TTC23: variants seen among roughly 807,000 people sequenced by gnomAD.
TTC23 encodes the protein tetratricopeptide repeat domain 23.
TTC23 carries 58 observed loss-of-function variants against 55.1 expected under a neutral mutation model. The ratio of observed to expected loss-of-function variants is 1.05; its 90% CI spans 0.85 to 1.31. The LOEUF is 1.31. Ranked by LOEUF, TTC23 falls within the 50% of genes most tolerant of loss-of-function variation. The pLI, the probability that TTC23 is intolerant of heterozygous loss-of-function variation, is 0.00. For missense variants in TTC23, 516 were observed against 534.4 expected, an observed-to-expected ratio of 0.97 and a Z score of 0.34; for synonymous variants, 203 against 199.9, an observed-to-expected ratio of 1.02 and a Z score of -0.13.
At chr15:99,154,360 A>G (rs1555498289) in intron 12 of TTC23, among the ~76,000 whole-genome samples, 1 of 152,244 alleles carries the variant, frequency 6.6e-6, no homozygotes, top group Non-Finnish European at 1.5e-5. Flanking sequence ...CATGTGTTGG[A>G]AACTTAATCC....
At chr15:99,249,680 G>A (rs2080558648), upstream of TTC23, 2 of 152,206 alleles carry the variant, frequency 1.3e-5, no homozygotes, top group South Asian at 4.1e-4. Context: ...TTGGGAGCCA[G>A]AGGTGGGAAT....
In TTC23 at chr15:99,161,781, CT is replaced by C. The variant is rs765650090; in HGVS notation, c.951del (p.Asp318MetfsTer9). 1.9e-6 allele frequency: 3 copies of C among 1,613,444 alleles called. No individual in the cohort carries two copies. The highest frequency in any genetic ancestry group is 2.5e-6 in the Non-Finnish European group (3 of 1,179,902). On this transcript the variant is annotated frameshift_variant, in exon 11 of 14. Coordinates refer to ENST00000394132, the MANE Select transcript of TTC23 (RefSeq NM_001288615.3). LOFTEE classifies it high-confidence loss of function. ...ATTTGTAGAAAATGGCAAAATTCAT[CT>C]TGAATTGAAAGAAATTTGGTTCTTC... ...GMGRTKFLSI[Q>X]DEFCHFLQMT...
At chr15:99,179,940 G>A (rs1280964075) in intron 9 of TTC23, among the ~76,000 whole-genome samples, 1 of 152,226 alleles carries the variant, frequency 6.6e-6, no homozygotes, top group Non-Finnish European at 1.5e-5. Context: ...CTCAACCATT[G>A]TTCACAATTT....
At chr15:99,152,544 G>A (rs1418466130) in intron 12 of TTC23, among the ~76,000 whole-genome samples, 1 of 151,918 alleles carries the variant, frequency 6.6e-6, no homozygotes, top group Non-Finnish European at 1.5e-5. Flanking sequence ...GCTAATTTTT[G>A]TATTTTTAGT....
At chr15:99,236,983 T>C (rs1038437844) in intron 3 of TTC23, among the ~76,000 whole-genome samples, 6 of 45,728 alleles carry the variant, frequency 1.3e-4, no homozygotes, top group Non-Finnish European at 3.3e-4. Flanking sequence ...CACTCCTAAG[T>C]TTTTTTTTTT....
rs56890685 is a variant in TTC23, at chr15:99,204,632, G to GTTTTTTTTTTTTTTT, written c.582-4551_582-4537dup. On this transcript the variant is annotated intron_variant, in intron 8 of 13. Coordinates refer to ENST00000394132, the MANE Select transcript of TTC23 (RefSeq NM_001288615.3). ...TCAGAGTTTCAGTCTTAGATTTAAG[G>GTTTTTTTTTTTTTTT]TTTTTTTTTTTTTTTTTTTTTTTAG... 3.2e-3 allele frequency among the ~76,000 whole-genome samples: 197 copies of GTTTTTTTTTTTTTTT among 60,876 alleles called. 36 individuals carry two copies. Among genetic ancestry groups the GTTTTTTTTTTTTTTT allele is most frequent in the Non-Finnish European group, 3.9e-3 (138 of 35,212 alleles). The allele number at this position is 60,876 out of a possible 152,430, so 39.9% of individuals were successfully genotyped here. A position where few individuals can be genotyped will look rare whatever the true frequency, so the allele number is the denominator to read the frequency against.
chr15:99,148,149 T>A (rs935831266), intron 12 of TTC23, among the ~76,000 whole-genome samples: 3 of 151,504 alleles, frequency 2.0e-5, no homozygotes, highest in Non-Finnish European at 4.4e-5. Context: ...GATCATGAGG[T>A]CAGGAGTTTG....
intron 5 of TTC23, among the ~76,000 whole-genome samples, chr15:99,226,442 C>G (rs138404691): frequency 1.3e-5 from 2 of 152,262 alleles, no homozygotes; most frequent in East Asian, 1.9e-4. Context: ...ATGAGTGAAT[C>G]TTGTGCCTTT....
Position 99,219,056 on chromosome 15 carries a change from CA to C in TTC23, c.305-9del, listed in dbSNP as rs1469127261. On this transcript the variant is annotated splice_polypyrimidine_tract_variant and intron_variant, in intron 6 of 13. Coordinates refer to ENST00000394132, the MANE Select transcript of TTC23 (RefSeq NM_001288615.3). ...TTGCTTGCAGTGACAGTCCTGTGGA[CA>C]AAGAAAAAGAGGTCTCAGTTTCTCT... 16 of 1,610,936 alleles carry C rather than the reference CA, an allele frequency of 9.9e-6. No homozygotes were observed. Among genetic ancestry groups the C allele is most frequent in the Non-Finnish European group, 1.3e-5 (15 of 1,179,004 alleles).
At chr15:99,203,039 T>C (rs2076323974) in intron 8 of TTC23, among the ~76,000 whole-genome samples, 1 of 152,216 alleles carries the variant, frequency 6.6e-6, no homozygotes, top group Non-Finnish European at 1.5e-5. Flanking sequence ...TTTGTTCCCA[T>C]GTTGAAATGG....
intron 12 of TTC23, chr15:99,155,711 T>C (rs1555498798): frequency 1.1e-5 from 2 of 177,534 alleles, no homozygotes; most frequent in Non-Finnish European, 2.3e-5. Context: ...GGCTCTCTAA[T>C]TAAATGGTGC....
chr15:99,177,466 A>G (rs1162183226), intron 9 of TTC23, among the ~76,000 whole-genome samples: 1 of 152,242 alleles, frequency 6.6e-6, no homozygotes, highest in African/African-American at 2.4e-5. Context: ...AGACAATAGC[A>G]GCCACAGGGA....
At chr15:99,145,526 AAAAC>A (rs1337927663) in intron 12 of TTC23, among the ~76,000 whole-genome samples, 18 of 151,670 alleles carry the variant, frequency 1.2e-4, no homozygotes, top group Non-Finnish European at 2.2e-4. Context: ...CGGCAGGTGA[AAAAC>A]AAACAGGGCA....
chr15:99,141,002 C>T (rs1346098324), intron 12 of TTC23: 1 of 152,120 alleles, frequency 6.6e-6, no homozygotes, highest in Non-Finnish European at 1.5e-5. Flanking sequence ...TGCTTAATCT[C>T]ATTAACAACC....
intron 12 of TTC23, chr15:99,144,695 C>T (rs1278281388): frequency 6.6e-6 from 1 of 152,200 alleles, no homozygotes; most frequent in Non-Finnish European, 1.5e-5. Context: ...GCATACTATT[C>T]ATTTCTGGTA....
In TTC23 at chr15:99,225,544, G is replaced by A. The variant is rs61517627; in HGVS notation, c.180+2989C>T. Among the ~76,000 whole-genome samples the A allele has an allele frequency of 9.5e-3, 1,446 of 152,238 alleles. 25 individuals carry two copies. The highest frequency in any genetic ancestry group is 0.033 in the African/African-American group (1,377 of 41,528). On this transcript the variant is annotated intron_variant, in intron 5 of 13. Transcript: ENST00000394132. Reference sequence around the variant, plus strand: ...CTCACTGGCAGATACGGAACAATCCGAGCTTCCATGAAAATAACAGGTTGT... The same window carrying A: ...CTCACTGGCAGATACGGAACAATCCAAGCTTCCATGAAAATAACAGGTTGT...
At chr15:99,181,241 C>G (rs1398659708) in intron 9 of TTC23, among the ~76,000 whole-genome samples, 1 of 152,130 alleles carries the variant, frequency 6.6e-6, no homozygotes, top group Non-Finnish European at 1.5e-5. Flanking sequence ...ATTTTCTAAT[C>G]AATGTAATGA....
In TTC23 at chr15:99,180,776, T is replaced by C. The variant is rs557214522; in HGVS notation, c.760-5621A>G. Among the ~76,000 whole-genome samples, 9 of 152,312 alleles carry C rather than the reference T, an allele frequency of 5.9e-5. No individual in the cohort carries two copies. In the East Asian group the frequency reaches 1.7e-3, roughly 29 times the overall value. On this transcript the variant is annotated intron_variant, in intron 9 of 13. Transcript: ENST00000394132. ...TTCAGTGACAGAGCAAAATCTCTCC[T>C]ACAGCAAAGTAGAGATTAAGTACAC...
At chr15:99,194,035 T>C (rs762004843) in intron 9 of TTC23, among the ~76,000 whole-genome samples, 2 of 152,072 alleles carry the variant, frequency 1.3e-5, no homozygotes, top group Non-Finnish European at 2.9e-5. Flanking sequence ...TTTTAATGTT[T>C]GAAACTTTTA....
Sources: allele counts gnomAD v4.1 joint callset (sites outside exome capture counted in the v4.1 genomes callset), GRCh38; gene constraint gnomAD v4.1.1; transcripts MANE v1.5; gene names NCBI Gene and HGNC (gene_info 2026-07-23, HGNC 2026-07-21).